The following UGT1A4 variants were observed in gnomAD, a reference collection of about 807,000 sequenced individuals.
UGT1A4 encodes the protein UDP glucuronosyltransferase family 1 member A4, also known as UDP-glucuronosyltransferase 1A4.
A neutral mutation model predicts 41.1 loss-of-function variants in UGT1A4; 32 were observed. That is an observed-to-expected ratio of 0.78 (90% CI 0.59 to 1.05). The LOEUF (loss-of-function observed/expected upper bound fraction) is 1.05, where lower values mean the gene tolerates loss of function less well. Among genes scored for constraint, UGT1A4 ranks in the 50% least tolerant of loss-of-function variants. UGT1A4 has a pLI of 0.00. For missense variants in UGT1A4, 748 were observed against 677.4 expected, an observed-to-expected ratio of 1.10 and a Z score of -1.16; for synonymous variants, 283 against 265.1, an observed-to-expected ratio of 1.07 and a Z score of -0.66.
Position 233,725,179 on chromosome 2 carries a change from GAGAGGCAGAGGCAGAGGC to G in UGT1A4, c.867+5516_867+5533del, listed in dbSNP as rs879478240. ...CTCTGCATGAGAGGGAGACCGTGGG[GAGAGGCAGAGGCAGAGGC>G]AGAGGCAGAGGCAGAGGCAGAGGAG... On this transcript the variant is annotated intron_variant, in intron 1 of 4. Coordinates refer to ENST00000373409, the MANE Select transcript of UGT1A4 (RefSeq NM_007120.3). 4.4e-5 allele frequency among the ~76,000 whole-genome samples: 3 copies of G among 67,606 alleles called. 1 individual carries two copies. The highest frequency in any genetic ancestry group is 1.5e-4 in the Admixed American group (1 of 6,876). The allele number at this position is 67,606 out of a possible 152,430, so 44.4% of individuals were successfully genotyped here.
intron 1 of UGT1A4, chr2:233,755,349 T>G (rs1322170401): frequency 5.0e-6 from 2 of 396,484 alleles, no homozygotes; most frequent in Admixed American, 3.8e-5. Flanking sequence ...GTCAGAGGCT[T>G]GGCGACCTGG....
intron 1 of UGT1A4, among the ~76,000 whole-genome samples, chr2:233,742,577 G>T (rs28900373): frequency 0.034 from 5,125 of 151,816 alleles, 154 homozygotes; most frequent in African/African-American, 0.051. Flanking sequence ...CGGAATTGGG[G>T]GCTTATCCCC....
At chr2:233,734,623 T>A (rs2078542439) in intron 1 of UGT1A4, among the ~76,000 whole-genome samples, 1 of 152,236 alleles carries the variant, frequency 6.6e-6, no homozygotes, top group African/African-American at 2.4e-5. Flanking sequence ...TGATTTTAGA[T>A]CTTTCCTGCT....
At chr2:233,727,674 T>G (rs183043459) in intron 1 of UGT1A4, among the ~76,000 whole-genome samples, 1 of 152,276 alleles carries the variant, frequency 6.6e-6, no homozygotes, top group East Asian at 1.9e-4. Context: ...CCTTACAAAT[T>G]CCCAGGAATC....
At chr2:233,759,709 C>T (rs139134152) in intron 1 of UGT1A4, among the ~76,000 whole-genome samples, 6 of 151,084 alleles carry the variant, frequency 4.0e-5, no homozygotes, top group Non-Finnish European at 8.8e-5. Flanking sequence ...GGCGCGTGCT[C>T]GTGTGGTGGG....
chr2:233,762,117 T>C (rs1697974110), intron 1 of UGT1A4, among the ~76,000 whole-genome samples: 1 of 152,230 alleles, frequency 6.6e-6, no homozygotes, highest in Non-Finnish European at 1.5e-5. Context: ...CTTCACATCA[T>C]GAGCCATGTG....
chr2:233,739,705 T>C (rs887179684), intron 1 of UGT1A4, among the ~76,000 whole-genome samples: 3 of 152,188 alleles, frequency 2.0e-5, no homozygotes, highest in African/African-American at 7.2e-5. Flanking sequence ...TACAGGCTCA[T>C]GGGGGAAGGG....
chr2:233,735,091 A>T (rs4477910), intron 1 of UGT1A4, among the ~76,000 whole-genome samples: 69,276 of 151,834 alleles, frequency 0.46, 17,201 homozygotes, highest in African/African-American at 0.66. Context: ...GTCTTGTTGA[A>T]CTGTCTAATA....
intron 1 of UGT1A4, chr2:233,747,530 T>C (rs530513131): frequency 6.2e-7 from 1 of 1,605,552 alleles, no homozygotes; most frequent in East Asian, 2.2e-5. Flanking sequence ...CAGAACATTT[T>C]CTGAAGACAT....
chr2:233,721,426 G>A (rs2076944499), intron 1 of UGT1A4: 1 of 156,732 alleles, frequency 6.4e-6, no homozygotes, highest in African/African-American at 2.4e-5. Flanking sequence ...CCTAAGCATT[G>A]TGGTTTTAAT....
chr2:233,747,429 A>G, intron 1 of UGT1A4: 8 of 1,608,684 alleles, frequency 5.0e-6, no homozygotes, highest in Non-Finnish European at 6.8e-6. Context: ...CAAACAAGAG[A>G]AATTTTTCAC....
chr2:233,755,062 C>G, intron 1 of UGT1A4: 1 of 1,335,450 alleles, frequency 7.5e-7, no homozygotes, highest in Middle Eastern at 2.1e-4. Flanking sequence ...GCCCTCGCCT[C>G]GCCATAGCGG....
intron 1 of UGT1A4, among the ~76,000 whole-genome samples, chr2:233,731,009 C>T (rs868145572): frequency 3.3e-5 from 5 of 152,260 alleles, no homozygotes; most frequent in Middle Eastern, 3.4e-3. Flanking sequence ...CCATGTACAT[C>T]GTGAGAGAAT....
At position 233,764,985 on chromosome 2, in the gene UGT1A4, G is replaced by A. The variant is rs952012916; in HGVS notation, c.868-2049G>A. On this transcript the variant is annotated intron_variant, in intron 1 of 4. Coordinates refer to ENST00000373409, the MANE Select transcript of UGT1A4 (RefSeq NM_007120.3). ...TTGGGAGAAGGATGGTCAGTGTCTG[G>A]GGCTTTCCTGGTCATGTTCCAAATC... Among the ~76,000 whole-genome samples, 3 of 152,196 alleles carry A rather than the reference G, an allele frequency of 2.0e-5. No homozygotes were observed. In the South Asian group the frequency reaches 6.2e-4, roughly 32 times the overall value.
At chr2:233,757,773 G>A (rs1419561449) in intron 1 of UGT1A4, among the ~76,000 whole-genome samples, 2 of 151,708 alleles carry the variant, frequency 1.3e-5, no homozygotes, top group African/African-American at 2.4e-5. Context: ...TTAGTAATAA[G>A]CCTGTCATTC....
chr2:233,730,008 C>A (rs1346345319), intron 1 of UGT1A4: 25 of 1,613,892 alleles, frequency 1.5e-5, no homozygotes, highest in Non-Finnish European at 2.1e-5. Context: ...GTATTGGTGC[C>A]TTCATCCAAT....
intron 1 of UGT1A4, chr2:233,743,668 G>C (rs898129248): frequency 5.1e-6 from 7 of 1,367,120 alleles, no homozygotes; most frequent in Non-Finnish European, 6.9e-6. Flanking sequence ...AGGGGTCCTC[G>C]AAGGGCCTGC....
chr2:233,748,190 C>T (rs1370576625), intron 1 of UGT1A4: 2 of 1,559,306 alleles, frequency 1.3e-6, no homozygotes, highest in South Asian at 1.2e-5. Flanking sequence ...GCTTTTATTT[C>T]TGCTTGTCGT....
intron 1 of UGT1A4, among the ~76,000 whole-genome samples, chr2:233,720,216 C>G (rs1381624179): frequency 6.6e-6 from 1 of 152,096 alleles, no homozygotes; most frequent in Non-Finnish European, 1.5e-5. Context: ...GGGATGGATG[C>G]ATGTGATCAG....
Sources: allele counts gnomAD v4.1 joint callset (sites outside exome capture counted in the v4.1 genomes callset), GRCh38; gene constraint gnomAD v4.1.1; transcripts MANE v1.5; gene names NCBI Gene and HGNC (gene_info 2026-07-23, HGNC 2026-07-21).